The following ROR1 variants were observed in gnomAD, a reference collection of about 807,000 sequenced individuals.
The protein encoded by ROR1 is ROR family WNT receptor 1.
A neutral mutation model predicts 78.8 loss-of-function variants in ROR1; 19 were observed. That is an observed-to-expected ratio of 0.24 (90% confidence interval 0.17 to 0.35). The LOEUF (loss-of-function observed/expected upper bound fraction) is 0.35, where lower values mean the gene tolerates loss of function less well. ROR1 is among the 10% of genes least tolerant of loss of function. The probability of loss-of-function intolerance (pLI) is 1.00; values close to 1 mark genes in which losing one functional copy is unlikely to be tolerated. For missense variants in ROR1, 917 were observed against 1,177.8 expected, an observed-to-expected ratio of 0.78 and a Z score of 3.24; for synonymous variants, 386 against 433.6, an observed-to-expected ratio of 0.89 and a Z score of 1.36.
chr1:63,819,529 G>A (rs1644912130), intron 1 of ROR1, among the ~76,000 whole-genome samples: 3 of 152,154 alleles, frequency 2.0e-5, no homozygotes, highest in African/African-American at 7.2e-5. Context: ...AAAAGGTATG[G>A]ATAGAGTTCT....
Position 63,927,392 on chromosome 1 carries a change from T to C in ROR1, c.92-81913T>C, listed in dbSNP as rs201313944. ...ATCATGGTGGATAAGCTTTTTGATG[T>C]GCTGCTGGATTTGTTTTGCCAGTAT... is the stretch of plus-strand genomic sequence containing the variant. On this transcript the variant is annotated intron_variant, in intron 1 of 8. Coordinates refer to ENST00000371079, the MANE Select transcript of ROR1 (RefSeq NM_005012.4). Among the ~76,000 whole-genome samples, 4 of 143,802 alleles carry C rather than the reference T, an allele frequency of 2.8e-5. No individual in the cohort carries two copies. The East Asian group carries it at 8.3e-4, about 30-fold the overall frequency. 94.3% of individuals were successfully genotyped at this position (143,802 alleles called of 152,430 possible).
At chr1:63,986,687 A>G (rs285350) in intron 1 of ROR1, among the ~76,000 whole-genome samples, 113,145 of 151,978 alleles carry the variant, frequency 0.74, 43,198 homozygotes, top group East Asian at 0.94. Flanking sequence ...GAGCCCAGGA[A>G]TTCAAGATCA....
intron 1 of ROR1, among the ~76,000 whole-genome samples, chr1:63,808,188 A>G (rs1015310929): frequency 1.3e-5 from 2 of 152,124 alleles, no homozygotes; most frequent in Non-Finnish European, 2.9e-5. Flanking sequence ...AAGAGACATA[A>G]ACAGAGGTGA....
chr1:63,776,649 GGGTCTGGTTCCTTGGTTTCA>G (rs1322363426), intron 1 of ROR1, among the ~76,000 whole-genome samples: 2 of 152,202 alleles, frequency 1.3e-5, no homozygotes, highest in Non-Finnish European at 1.5e-5. Context: ...GCCTGGTTTC[GGGTCTGGTTCCTTGGTTTCA>G]GGTCTGGTTC....
chr1:63,828,512 G>A (rs1476211932), intron 1 of ROR1, among the ~76,000 whole-genome samples: 1 of 152,056 alleles, frequency 6.6e-6, no homozygotes. Flanking sequence ...TTACTGATGG[G>A]GGCAACTTTC....
chr1:63,825,147 G>A (rs759743093), intron 1 of ROR1, among the ~76,000 whole-genome samples: 2 of 152,092 alleles, frequency 1.3e-5, no homozygotes, highest in Non-Finnish European at 2.9e-5. Context: ...ATTAAACTTA[G>A]CATATGACCC....
chr1:63,830,972 A>G (rs1259237719), intron 1 of ROR1, among the ~76,000 whole-genome samples: 1 of 152,228 alleles, frequency 6.6e-6, no homozygotes, highest in East Asian at 1.9e-4. Context: ...AAAACGCAGC[A>G]GGGCAGCCAT....
At chr1:63,921,923 A>G (rs1645658258) in intron 1 of ROR1, among the ~76,000 whole-genome samples, 1 of 152,194 alleles carries the variant, frequency 6.6e-6, no homozygotes. Flanking sequence ...ATTAAAAAAT[A>G]TAGAGTCTGT....
intron 4 of ROR1, among the ~76,000 whole-genome samples, chr1:64,061,980 A>G (rs897843503): frequency 6.6e-5 from 10 of 152,044 alleles, no homozygotes; most frequent in Admixed American, 2.6e-4. Context: ...TCTAAACAAG[A>G]TCTTATCTAG....
chr1:64,139,674 C>T (rs759376594), intron 5 of ROR1, among the ~76,000 whole-genome samples: 2 of 152,156 alleles, frequency 1.3e-5, no homozygotes, highest in Non-Finnish European at 2.9e-5. Context: ...CAACTCTTGC[C>T]GTCCAGCAAG....
chr1:64,033,992 C>A (rs1406614704), intron 2 of ROR1, among the ~76,000 whole-genome samples: 4 of 152,122 alleles, frequency 2.6e-5, no homozygotes, highest in Non-Finnish European at 4.4e-5. Context: ...TCTTTCTATT[C>A]ACTGTTATCT....
intron 1 of ROR1, among the ~76,000 whole-genome samples, chr1:63,807,581 C>T (rs527706850): frequency 6.6e-6 from 1 of 152,148 alleles, no homozygotes; most frequent in Admixed American, 6.5e-5. Context: ...GGCTTTAGAG[C>T]GATTTCCCTC....
chr1:63,842,877 G>A (rs528987334), intron 1 of ROR1, among the ~76,000 whole-genome samples: 7 of 152,110 alleles, frequency 4.6e-5, no homozygotes, highest in South Asian at 2.1e-4. Context: ...GGAGGAACAG[G>A]TTGGATGTGG....
At chr1:64,004,106 G>A (rs1370960320) in intron 1 of ROR1, among the ~76,000 whole-genome samples, 2 of 152,216 alleles carry the variant, frequency 1.3e-5, no homozygotes, top group Admixed American at 6.5e-5. Context: ...AAGTCAGCAT[G>A]TATTTCCTTT....
rs780290742 is a variant in ROR1, at chr1:64,019,774, G to A, written c.163+10398G>A. Among the ~76,000 whole-genome samples, 50 of 152,146 alleles carry A rather than the reference G, an allele frequency of 3.3e-4. 1 individual carries two copies. The highest frequency in any genetic ancestry group is 1.6e-3 in the Admixed American group (25 of 15,270). ...AAAAACTGAGCCTTAGGGAAAAGTC[G>A]TATTTTGAATAGTGACATCCTGCCT... On this transcript the variant is annotated intron_variant, in intron 2 of 8. Transcript: ENST00000371079.
At chr1:64,119,510 G>A (rs1648445287) in intron 4 of ROR1, among the ~76,000 whole-genome samples, 1 of 151,782 alleles carries the variant, frequency 6.6e-6, no homozygotes, top group Non-Finnish European at 1.5e-5. Flanking sequence ...GTGGTGGCAG[G>A]CGCCTGTAAT....
At chr1:63,887,661 C>G (rs1368126972) in intron 1 of ROR1, among the ~76,000 whole-genome samples, 1 of 152,084 alleles carries the variant, frequency 6.6e-6, no homozygotes, top group Non-Finnish European at 1.5e-5. Context: ...TTCACTGCAA[C>G]CTGTGTAAAT....
intron 1 of ROR1, among the ~76,000 whole-genome samples, chr1:63,931,013 A>G (rs1194672481): frequency 6.6e-6 from 1 of 152,222 alleles, no homozygotes; most frequent in Non-Finnish European, 1.5e-5. Flanking sequence ...GCAGTGGCTC[A>G]GCTTACGCCT....
intron 4 of ROR1, among the ~76,000 whole-genome samples, chr1:64,110,046 CCTGT>C (rs1159514783): frequency 6.6e-6 from 1 of 152,178 alleles, no homozygotes; most frequent in African/African-American, 2.4e-5. Context: ...ACTCAGTCTC[CCTGT>C]CTTTGTCCAT....
Sources: gnomAD v4.1 joint callset for allele counts (sites outside exome capture counted in the v4.1 genomes callset) on GRCh38, gnomAD v4.1.1 for gene constraint, MANE v1.5 for transcripts, NCBI Gene and HGNC (gene_info 2026-07-23, HGNC 2026-07-21) for gene names.